Variants in CNOT2 observed in about 807,000 individuals in gnomAD.
The protein encoded by CNOT2 is CC chemokine receptor 4-negative regulator of transcription 2.
In CNOT2, 7 loss-of-function variants were observed where a neutral mutation model predicts 72.1. That is an observed-to-expected ratio of 0.10 (90% CI 0.06 to 0.18). The LOEUF (loss-of-function observed/expected upper bound fraction) is 0.18. Among genes scored for constraint, CNOT2 ranks in the 10% least tolerant of loss-of-function variants. The pLI, the probability that CNOT2 is intolerant of heterozygous loss-of-function variation, is 1.00. For missense variants in CNOT2, 345 were observed against 660.3 expected (o/e 0.52, Z 5.23); for synonymous variants, 196 against 225.6 (o/e 0.87, Z 1.17).
In CNOT2 at chr12:70,319,542, T is replaced by C. The variant is rs936820074; in HGVS notation, c.238+178T>C. Among the ~76,000 whole-genome samples the C allele has an allele frequency of 3.8e-4, 58 of 151,976 alleles. 1 individual carries two copies. Among genetic ancestry groups the C allele is most frequent in the African/African-American group, 1.3e-3 (52 of 41,554 alleles). ...CAAAACCTCATTATTTCAGACCTTA[T>C]TGATCCTATGGTTGCTATTACTTGG... On this transcript the variant is annotated intron_variant, in intron 4 of 15. Coordinates refer to ENST00000229195, the MANE Select transcript of CNOT2 (RefSeq NM_014515.7).
chr12:70,296,151 A>G (rs556485714), intron 2 of CNOT2, among the ~76,000 whole-genome samples: 92 of 151,976 alleles, frequency 6.1e-4, no homozygotes, highest in African/African-American at 2.1e-3. Flanking sequence ...ACCAACACAC[A>G]CACACATACC....
chr12:70,341,972 T>A (rs928730326), intron 11 of CNOT2, 135 bp from the exon 12 acceptor site: 1 of 691,582 alleles, frequency 1.4e-6, no homozygotes, highest in East Asian at 2.6e-5. Context: ...TGCTTCTGTA[T>A]AAGTCAGTAA....
intron 1 of CNOT2, among the ~76,000 whole-genome samples, chr12:70,275,130 G>A (rs1258947807): frequency 6.6e-6 from 1 of 151,890 alleles, no homozygotes; most frequent in Admixed American, 6.6e-5. Flanking sequence ...TATTTTAGCT[G>A]GGCTTAGAAT....
Position 70,316,544 on chromosome 12 carries a change from T to G in CNOT2, c.172-2754T>G, listed in dbSNP as rs141353802. Among the ~76,000 whole-genome samples the G allele has an allele frequency of 2.4e-3, 372 of 152,306 alleles. 1 individual carries two copies. Among genetic ancestry groups the G allele is most frequent in the African/African-American group, 8.7e-3 (361 of 41,576 alleles). On this transcript the variant is annotated intron_variant, in intron 3 of 15. Coordinates refer to ENST00000229195, the MANE Select transcript of CNOT2 (RefSeq NM_014515.7). ...TTTGACACATTTTGAGGCAGTAATT[T>G]TAAGATATGTCTGTATAGCTGATCG... is the stretch of plus-strand genomic sequence containing the variant.
In CNOT2 at chr12:70,259,799, C is replaced by T. The variant is rs527641680; in HGVS notation, c.-96+16319C>T. On this transcript the variant is annotated intron_variant, in intron 1 of 15. Transcript: ENST00000229195. ...CCCCAGTTTTGCCGCTTTCCTTTAT[C>T]ATGAGACTGCTAAAACCTCTTCTAG... Among the ~76,000 whole-genome samples the T allele has an allele frequency of 3.3e-5, 5 of 152,294 alleles. No homozygotes were observed. In the South Asian group the frequency reaches 1.0e-3, roughly 32 times the overall value.
chr12:70,278,853 G>A (rs1869327743), intron 2 of CNOT2, among the ~76,000 whole-genome samples: 1 of 152,164 alleles, frequency 6.6e-6, no homozygotes, highest in Non-Finnish European at 1.5e-5. Flanking sequence ...AAGGCTGGAA[G>A]AATAGTGGAA....
chr12:70,298,204 A>G (rs1873164702), intron 2 of CNOT2, among the ~76,000 whole-genome samples: 1 of 152,228 alleles, frequency 6.6e-6, no homozygotes, highest in Non-Finnish European at 1.5e-5. Flanking sequence ...CTTGTGCTAA[A>G]GTGATCTTTT....
chr12:70,341,727 A>G (rs1881532833), intron 11 of CNOT2, among the ~76,000 whole-genome samples: 1 of 152,194 alleles, frequency 6.6e-6, no homozygotes, highest in African/African-American at 2.4e-5. Flanking sequence ...TCTTCTTGCC[A>G]CACAAATAAA....
intron 4 of CNOT2, 121 bp from the exon 5 acceptor site, chr12:70,329,302 A>G (rs1879574277): frequency 3.2e-6 from 2 of 620,228 alleles, no homozygotes; most frequent in East Asian, 2.7e-5. Context: ...GAATATATCC[A>G]TTTAAAATTT....
At chr12:70,316,301 A>G (rs892011589) in intron 3 of CNOT2, among the ~76,000 whole-genome samples, 2 of 152,200 alleles carry the variant, frequency 1.3e-5, no homozygotes, top group Non-Finnish European at 2.9e-5. Flanking sequence ...TAAAAAATAT[A>G]TACATTTTGT....
intron 1 of CNOT2, among the ~76,000 whole-genome samples, chr12:70,273,259 C>A (rs979159842): frequency 6.6e-6 from 1 of 152,110 alleles, no homozygotes; most frequent in Admixed American, 6.6e-5. Context: ...AAGCTATCTA[C>A]GAAGATTACC....
At chr12:70,285,334 T>G (rs1870688435) in intron 2 of CNOT2, 1 of 151,790 alleles carries the variant, frequency 6.6e-6, no homozygotes, top group South Asian at 2.1e-4. Flanking sequence ...CTCAGCCTCC[T>G]GAGTAGCTGG....
Position 70,353,913 on chromosome 12 carries a change from T to TAAAAAAAAAAA in CNOT2, c.*13_*23dup, listed in dbSNP as rs35192504. Reference sequence around the variant, plus strand: ...CTACAACCCTGCTCAGCAAGCCTTCTAAAAAAAAAAAAAAAAAAAAAAAAA... The same window carrying TAAAAAAAAAAA: ...CTACAACCCTGCTCAGCAAGCCTTCTAAAAAAAAAAAAAAAAAAAAAAAAAAAAAAAAAAAA... On this transcript the variant is annotated frameshift_variant and stop_retained_variant, in exon 16 of 16. Transcript: ENST00000229195. LOFTEE classifies it high-confidence loss of function. 3 of 1,275,466 alleles carry TAAAAAAAAAAA rather than the reference T, an allele frequency of 2.4e-6. No homozygotes were observed. The highest frequency in any genetic ancestry group is 4.1e-5 in the Admixed American group (1 of 24,644). 79.0% of individuals were successfully genotyped at this position (1,275,466 alleles called of 1,614,324 possible). A position where few individuals can be genotyped will look rare whatever the true frequency, so the allele number is the denominator to read the frequency against.
At chr12:70,345,981 C>A (rs1882116239) in intron 14 of CNOT2, 199 bp from the exon 15 acceptor site, 2 of 479,328 alleles carry the variant, frequency 4.2e-6, no homozygotes, top group Non-Finnish European at 7.3e-6. Context: ...AGTGTGCCTT[C>A]TGGACAAATT....
chr12:70,278,706 G>A (rs1251484722), intron 2 of CNOT2, among the ~76,000 whole-genome samples: 1 of 152,104 alleles, frequency 6.6e-6, no homozygotes, highest in East Asian at 1.9e-4. Context: ...AGAAGAAATA[G>A]AAATGAGAAA....
intron 6 of CNOT2, chr12:70,332,282 C>T (rs551600498): frequency 6.6e-6 from 1 of 151,852 alleles, no homozygotes; most frequent in East Asian, 1.9e-4. Context: ...GACATAAACT[C>T]CTGTGTCCAT....
chr12:70,336,756 C>T (rs1880758933), intron 8 of CNOT2: 1 of 151,984 alleles, frequency 6.6e-6, no homozygotes, highest in Admixed American at 6.6e-5. Flanking sequence ...TTTAATCATT[C>T]CCGTTGCTCT....
chr12:70,297,021 A>G (rs753726325), intron 2 of CNOT2, among the ~76,000 whole-genome samples: 1 of 152,164 alleles, frequency 6.6e-6, no homozygotes, highest in African/African-American at 2.4e-5. Context: ...ACGCTAGATT[A>G]TCTTCAGGTA....
intron 13 of CNOT2, among the ~76,000 whole-genome samples, chr12:70,343,734 A>G (rs1881802382): frequency 6.6e-6 from 1 of 152,210 alleles, no homozygotes; most frequent in South Asian, 2.1e-4. Context: ...ATTTTAAATA[A>G]CTAGGACACA....
Sources: gnomAD v4.1 joint callset for allele counts (sites outside exome capture counted in the v4.1 genomes callset) on GRCh38, gnomAD v4.1.1 for gene constraint, MANE v1.5 for transcripts, NCBI Gene and HGNC (gene_info 2026-07-23, HGNC 2026-07-21) for gene names.